The following TIA1 variants were observed in gnomAD, a reference collection of about 807,000 sequenced individuals.
TIA1 encodes the protein cytotoxic granule associated RNA binding protein TIA1.
TIA1 carries 23 observed loss-of-function variants against 65.9 expected under a neutral mutation model. The ratio of observed to expected loss-of-function variants is 0.35; its 90% CI spans 0.25 to 0.49. The LOEUF is 0.49. Ranked by LOEUF, TIA1 falls within the 20% of genes least tolerant of loss-of-function variation. TIA1 has a pLI of 0.98. For missense variants in TIA1, 371 were observed against 477.9 expected (o/e 0.78, Z 2.09); for synonymous variants, 147 against 149.4 (o/e 0.98, Z 0.12).
chr2:70,226,311 G>A (rs1683786378), intron 6 of TIA1, among the ~76,000 whole-genome samples: 1 of 152,026 alleles, frequency 6.6e-6, no homozygotes, highest in African/African-American at 2.4e-5. Flanking sequence ...CTCACCAACT[G>A]TTAAACAATC....
At chr2:70,245,790 C>G (rs1031713313) in intron 1 of TIA1, among the ~76,000 whole-genome samples, 1 of 152,104 alleles carries the variant, frequency 6.6e-6, no homozygotes, top group Non-Finnish European at 1.5e-5. Flanking sequence ...ATGCCGAACA[C>G]TCAGATGTAG....
intron 1 of TIA1, among the ~76,000 whole-genome samples, chr2:70,247,050 C>CT (rs1166924826): frequency 1.3e-5 from 2 of 152,142 alleles, no homozygotes; most frequent in Non-Finnish European, 2.9e-5. Context: ...ATGCTGATGA[C>CT]TGTCATAGCT....
In TIA1 at chr2:70,211,243, T is replaced by C. The variant is rs1202330460; in HGVS notation, c.*1476A>G. 6.6e-6 allele frequency: 1 copy of C among 152,140 alleles called. No homozygotes were observed. Among genetic ancestry groups the C allele is most frequent in the African/African-American group, 2.4e-5 (1 of 41,430 alleles). 9.4% of individuals were successfully genotyped at this position (152,140 alleles called of 1,614,324 possible). A position where few individuals can be genotyped will look rare whatever the true frequency, so the allele number is the denominator to read the frequency against. ...AAGTCTTCTAAGAGACTCTGAAATA[T>C]ACTAGAAATTTCAAAACTAGAACAA... On this transcript the variant is annotated 3_prime_UTR_variant, in exon 13 of 13. Coordinates refer to ENST00000433529, the MANE Select transcript of TIA1 (RefSeq NM_022173.4).
chr2:70,230,906 C>T, intron 2 of TIA1, 52 bp from the exon 3 acceptor site: 1 of 1,415,322 alleles, frequency 7.1e-7, no homozygotes, highest in Non-Finnish European at 9.7e-7. Flanking sequence ...CACCCATTAC[C>T]TTAAAATTAT....
chr2:70,215,940 G>A (rs1411293927), intron 10 of TIA1, among the ~76,000 whole-genome samples: 2 of 152,072 alleles, frequency 1.3e-5, no homozygotes, highest in African/African-American at 2.4e-5. Flanking sequence ...ATTTTTAGTA[G>A]AGACGGGGTT....
chr2:70,235,041 C>A (rs1487452411), intron 2 of TIA1, among the ~76,000 whole-genome samples: 1 of 151,428 alleles, frequency 6.6e-6, no homozygotes, highest in African/African-American at 2.4e-5. Flanking sequence ...GACAAACAAA[C>A]AAACAAACAA....
rs1368079700 is a variant in TIA1, at chr2:70,248,561, T to G, written c.-131A>C. ...GACCAGAGGTTACTCCGCCTCCTCCTCCGGCGGCAATTACACTAAACCGCC... is the reference window on the plus strand; with the variant it reads ...GACCAGAGGTTACTCCGCCTCCTCCGCCGGCGGCAATTACACTAAACCGCC... On this transcript the variant is annotated 5_prime_UTR_variant, in exon 1 of 13. Transcript: ENST00000433529. 2.2e-6 allele frequency: 3 copies of G among 1,394,142 alleles called. No individual in the cohort carries two copies. The highest frequency in any genetic ancestry group is 4.9e-5 in the East Asian group (2 of 40,844). The allele number at this position is 1,394,142 out of a possible 1,614,324, so 86.4% of individuals were successfully genotyped here.
At chr2:70,224,920 C>T (rs1371422176) in intron 6 of TIA1, 2 of 1,121,056 alleles carry the variant, frequency 1.8e-6, no homozygotes, top group Non-Finnish European at 1.1e-6. Flanking sequence ...AAAGCAGCTA[C>T]TCACATGAAC....
In TIA1 at chr2:70,221,151, C is replaced by T. The variant is rs181820115; in HGVS notation, c.474+3403G>A. 2.0e-3 allele frequency among the ~76,000 whole-genome samples: 310 copies of T among 152,166 alleles called. 1 individual carries two copies. The highest frequency in any genetic ancestry group is 7.1e-3 in the African/African-American group (296 of 41,506). ...CCTCCTGAGTAGCCGTGATTACAGG[C>T]GTGTGCCACCATGCCTGGCTAATTT... On this transcript the variant is annotated intron_variant, in intron 7 of 12. Coordinates refer to ENST00000433529, the MANE Select transcript of TIA1 (RefSeq NM_022173.4).
chr2:70,227,859 T>C (rs750679088), intron 5 of TIA1, 37 bp from the exon 6 acceptor site: 6 of 1,392,904 alleles, frequency 4.3e-6, no homozygotes, highest in Non-Finnish European at 5.0e-6. Flanking sequence ...AAAAGAAAAA[T>C]AGAACTTTAG....
At chr2:70,237,889 C>T (rs181820308) in intron 1 of TIA1, among the ~76,000 whole-genome samples, 15 of 145,612 alleles carry the variant, frequency 1.0e-4, no homozygotes, top group African/African-American at 3.1e-4. Flanking sequence ...AGGCTGGGTG[C>T]GGTGGCTCAT....
chr2:70,210,899 G>A lies in TIA1; in HGVS notation c.*1820C>T, dbSNP rs1047385837. The A allele has an allele frequency of 6.6e-6, 1 of 152,132 alleles. No individual in the cohort carries two copies. Among genetic ancestry groups the A allele is most frequent in the Non-Finnish European group, 1.5e-5 (1 of 68,028 alleles). 9.4% of individuals were successfully genotyped at this position (152,132 alleles called of 1,614,324 possible). A position where few individuals can be genotyped will look rare whatever the true frequency, so the allele number is the denominator to read the frequency against. ...GTATCAACACTTAAAAATACACAGT[G>A]ACTTAATGAAATATCAGCACAACTG... is the stretch of plus-strand genomic sequence containing the variant. On this transcript the variant is annotated 3_prime_UTR_variant, in exon 13 of 13. Transcript: ENST00000433529.
At chr2:70,229,631 A>G (rs1364189305) in intron 3 of TIA1, among the ~76,000 whole-genome samples, 1 of 152,128 alleles carries the variant, frequency 6.6e-6, no homozygotes, top group Non-Finnish European at 1.5e-5. Flanking sequence ...GTTATTTACC[A>G]TGTACAATCC....
At position 70,212,730 on chromosome 2, in the gene TIA1, C is replaced by T. The variant is rs747068278; in HGVS notation, c.1150G>A (p.Glu384Lys). The change falls in exon 13 of 13, where the codon GAA (glutamate) becomes AAA (lysine). Residue 384 changes from glutamate (E) to lysine (K), a missense_variant. Glu to Lys is a moderately conservative substitution (Grantham distance 56). Coordinates refer to ENST00000433529, the MANE Select transcript of TIA1 (RefSeq NM_022173.4). ...TCTGGAGTCCTTATTCACTGGGTTT[C>T]ATACCCTGCCACTCGATACCCAGAA... The part of the protein sequence containing the change: ...QPSGYRVAGY[E>K]TQ 35 of 1,612,010 alleles carry T rather than the reference C, an allele frequency of 2.2e-5. No homozygotes were observed. Among genetic ancestry groups the T allele is most frequent in the Non-Finnish European group, 1.8e-5 (21 of 1,178,212 alleles).
At chr2:70,242,460 C>T (rs1344647445) in intron 1 of TIA1, among the ~76,000 whole-genome samples, 2 of 115,776 alleles carry the variant, frequency 1.7e-5, no homozygotes, top group African/African-American at 3.4e-5. Context: ...GATCTCACCA[C>T]GGCAGTCCAG....
chr2:70,215,399 GTTTC>G lies in TIA1; in HGVS notation c.856_859del (p.Glu286LeufsTer4). 6.2e-7 allele frequency: 1 copy of G among 1,614,028 alleles called. No individual in the cohort carries two copies. Among genetic ancestry groups the G allele is most frequent in the Non-Finnish European group, 8.5e-7 (1 of 1,179,994 alleles). On this transcript the variant is annotated frameshift_variant, in exon 11 of 13. Coordinates refer to ENST00000433529, the MANE Select transcript of TIA1 (RefSeq NM_022173.4). LOFTEE classifies it high-confidence loss of function. ...TTGCACGGGATTTATCATATCAAGA[GTTTC>G]TTTGCCCCAATAGCATTTCACAACA...
chr2:70,245,105 G>A (rs1558979253), intron 1 of TIA1, among the ~76,000 whole-genome samples: 4 of 152,078 alleles, frequency 2.6e-5, no homozygotes, highest in Admixed American at 2.6e-4. Context: ...TGAGCCTCCG[G>A]AGTCCCGAGT....
rs915949635 is a variant in TIA1 at position 70,209,836 on chromosome 2, G to A, written c.*2883C>T. The A allele has an allele frequency of 2.5e-6, 1 of 397,274 alleles. No homozygotes were observed. Among genetic ancestry groups the A allele is most frequent in the Non-Finnish European group, 4.4e-6 (1 of 225,722 alleles). 24.6% of individuals were successfully genotyped at this position (397,274 alleles called of 1,614,324 possible). ...ACTGTAACCTCAGGACCACTGTACA[G>A]CACTTAGTAAACCTGTCTTTGTACA... On this transcript the variant is annotated 3_prime_UTR_variant, in exon 13 of 13. Transcript: ENST00000433529.
chr2:70,235,558 GTGTGTGTGTGTGTA>G (rs1438542905), intron 2 of TIA1, among the ~76,000 whole-genome samples: 2 of 151,874 alleles, frequency 1.3e-5, no homozygotes, highest in African/African-American at 4.8e-5. Flanking sequence ...GTGTGTGTGT[GTGTGTGTGTGTGTA>G]TGTGTGTGTG....
Sources: gnomAD v4.1 joint callset for allele counts (sites outside exome capture counted in the v4.1 genomes callset) on GRCh38, gnomAD v4.1.1 for gene constraint, MANE v1.5 for transcripts, NCBI Gene and HGNC (gene_info 2026-07-23, HGNC 2026-07-21) for gene names.